Variants in HAL observed in about 807,000 individuals in gnomAD.
HAL encodes histidine ammonia-lyase, also known as histidase.
A neutral mutation model predicts 81.1 loss-of-function variants in HAL; 85 were observed. That is an observed-to-expected ratio of 1.05 (90% CI 0.88 to 1.25). The LOEUF (loss-of-function observed/expected upper bound fraction) is 1.25, where lower values mean the gene tolerates loss of function less well. Ranked by LOEUF, HAL falls within the 50% of genes most tolerant of loss-of-function variation. HAL has a pLI of 0.00. For missense variants in HAL, 798 were observed against 836.6 expected (o/e 0.95, Z 0.57); for synonymous variants, 301 against 309.2 (o/e 0.97, Z 0.28).
intron 17 of HAL, among the ~76,000 whole-genome samples, chr12:95,980,053 G>C (rs913150557): frequency 6.6e-6 from 1 of 152,144 alleles, no homozygotes; most frequent in Non-Finnish European, 1.5e-5. Context: ...TCTTCACAGA[G>C]GGTATCCTGA....
In HAL at chr12:95,983,919, C is replaced by T. The variant is rs754249504; in HGVS notation, c.1279G>A (p.Asp427Asn). ...ATACAATCAAAAGATACAGGATTAT[C>T]TGTTGCGCTGTTCAGTTCTGTGGTA... ...IITTELNSAT[D>N]NPMVFANRGE... is the part of the protein sequence containing the mutation. The change falls in exon 15 of 21, where the codon GAT becomes AAT. Residue 427 changes from aspartate to asparagine, a missense_variant. By Grantham distance (23) the Asp-to-Asn change is conservative. Coordinates refer to ENST00000261208, the MANE Select transcript of HAL (RefSeq NM_002108.4). The T allele has an allele frequency of 1.3e-6, 2 of 1,518,130 alleles. No homozygotes were observed. The highest frequency in any genetic ancestry group is 4.5e-5 in the East Asian group (2 of 44,452). 94.0% of individuals were successfully genotyped at this position (1,518,130 alleles called of 1,614,324 possible). A position where few individuals can be genotyped will look rare whatever the true frequency, so the allele number is the denominator to read the frequency against.
chr12:95,974,627 A>G (rs2080694312), intron 20 of HAL, among the ~76,000 whole-genome samples: 1 of 152,218 alleles, frequency 6.6e-6, no homozygotes, highest in Non-Finnish European at 1.5e-5. Context: ...TACTTTTCCT[A>G]AGCAAAACAA....
In HAL at chr12:95,974,336, T is replaced by G; in HGVS notation, c.1870A>C (p.Arg624=). ...CTTGATTCTGGAATATGCTCCATTC[T>G]GTATTTTTCAATGTATGGAGCAGCT... The part of the protein sequence containing the change: ...EVAAPYIEKY[R]MEHIPESRPL... Residue 624 remains arginine, a synonymous_variant, in exon 21 of 21, where the codon AGA becomes CGA. Coordinates refer to ENST00000261208, the MANE Select transcript of HAL (RefSeq NM_002108.4). 1 of 1,612,462 alleles carries G rather than the reference T, an allele frequency of 6.2e-7. No homozygotes were observed. The highest frequency in any genetic ancestry group is 8.5e-7 in the Non-Finnish European group (1 of 1,178,430).
intron 17 of HAL, among the ~76,000 whole-genome samples, chr12:95,978,976 A>G (rs932606857): frequency 2.0e-5 from 3 of 152,224 alleles, no homozygotes; most frequent in African/African-American, 7.2e-5. Context: ...AGGACTTTCC[A>G]GGTTTCAGCA....
chr12:95,977,507 G>A (rs1296000111), intron 18 of HAL, among the ~76,000 whole-genome samples: 1 of 151,884 alleles, frequency 6.6e-6, no homozygotes, highest in East Asian at 1.9e-4. Flanking sequence ...CCCAGGTGTG[G>A]TGGTGCTTGC....
chr12:95,974,317 T>G lies in HAL; in HGVS notation c.1889A>C (p.Glu630Ala), dbSNP rs778515949. 2 of 1,612,868 alleles carry G rather than the reference T, an allele frequency of 1.2e-6. No individual in the cohort carries two copies. The change falls in exon 21 of 21, where the codon GAA (glutamate) becomes GCA (alanine). Residue 630 changes from glutamate to alanine, a missense_variant. Coordinates refer to ENST00000261208, the MANE Select transcript of HAL (RefSeq NM_002108.4). ...GGCTGTTGGAGAAAGAGGTCTTGAT[T>G]CTGGAATATGCTCCATTCTGTATTT... ...IEKYRMEHIP[E>A]SRPLSPTAFS...
chr12:95,994,418 CAG>C (rs1272679622), intron 4 of HAL, among the ~76,000 whole-genome samples: 1 of 152,188 alleles, frequency 6.6e-6, no homozygotes, highest in Non-Finnish European at 1.5e-5. Flanking sequence ...TGTTTTGAGG[CAG>C]AGTCTCCAGC....
chr12:95,980,494 G>A (rs1048628742), intron 17 of HAL, 62 bp downstream of exon 17: 3 of 1,491,806 alleles, frequency 2.0e-6, no homozygotes, highest in Non-Finnish European at 2.8e-6. Context: ...ATACTTCTAG[G>A]TGAAATGGAA....
At chr12:95,990,290 C>T in intron 10 of HAL, 103 bp downstream of exon 10, 1 of 927,552 alleles carries the variant, frequency 1.1e-6, no homozygotes, top group South Asian at 1.3e-5. Flanking sequence ...GTAGGAGCTC[C>T]CTCACTGGGC....
chr12:95,980,811 T>A lies in HAL; in HGVS notation c.1340A>T (p.Glu447Val), dbSNP rs762747975. 7.5e-6 allele frequency: 12 copies of A among 1,594,258 alleles called. 1 individual carries two copies. The South Asian group carries it at 1.2e-4, about 16-fold the overall frequency. ...ETVSGGNFHG[E>V]YPAKALDYLA... ...TAAAAAGCTTACTTTGGCTGGGTAT[T>A]CACCATGGAAGTTTCCTCCAGAAAC... is the stretch of plus-strand genomic sequence containing the variant. The change falls in exon 16 of 21, where the codon GAA (glutamate) becomes GTA (valine). Residue 447 changes from glutamate (E) to valine (V), a missense_variant. By Grantham distance (121) the Glu-to-Val change is moderately radical (BLOSUM62 -2). Transcript: ENST00000261208.
chr12:95,978,700 G>C (rs1329596888), intron 17 of HAL, among the ~76,000 whole-genome samples: 3 of 152,162 alleles, frequency 2.0e-5, no homozygotes, highest in Admixed American at 6.5e-5. Context: ...AAATTCTGCT[G>C]TTCTAACGAG....
At position 95,983,946 on chromosome 12, in the gene HAL, T is replaced by C; in HGVS notation, c.1252A>G (p.Ile418Val). The part of the protein sequence containing the change: ...NDTIAFVKNI[I>V]TTELNSATDN... ...GTTGCGCTGTTCAGTTCTGTGGTAA[T>C]GATGTTCTTCACAAATGCTATTGTA... is the stretch of plus-strand genomic sequence containing the variant. The change falls in exon 15 of 21, where the codon ATT becomes GTT. Residue 418 changes from isoleucine (I) to valine (V), a missense_variant. Transcript: ENST00000261208. 3 of 1,588,514 alleles carry C rather than the reference T, an allele frequency of 1.9e-6. No homozygotes were observed. Among genetic ancestry groups the C allele is most frequent in the Non-Finnish European group, 2.6e-6 (3 of 1,157,516 alleles).
intron 11 of HAL, 127 bp from the exon 12 acceptor site, chr12:95,987,341 A>G (rs1281647612): frequency 4.9e-6 from 4 of 810,450 alleles, no homozygotes; most frequent in Non-Finnish European, 8.7e-6. Flanking sequence ...AATTATGTTT[A>G]TGTTTTCTAA....
rs570891376 is a variant in HAL at position 95,993,525 on chromosome 12, G to A, written c.552-37C>T. ...AGGTAAAAACCCTCTTAGATACATT[G>A]CAGTGAGAAAATGTTCCCTCAGCTG... On this transcript the variant is annotated intron_variant, in intron 7 of 20. Coordinates refer to ENST00000261208, the MANE Select transcript of HAL (RefSeq NM_002108.4). 1.6e-5 allele frequency: 22 copies of A among 1,384,910 alleles called. 1 individual carries two copies. In the South Asian group the frequency reaches 2.4e-4, roughly 15 times the overall value. The allele number at this position is 1,384,910 out of a possible 1,614,324, so 85.8% of individuals were successfully genotyped here. A position where few individuals can be genotyped will look rare whatever the true frequency, so the allele number is the denominator to read the frequency against.
chr12:95,975,878 G>T (rs2136785970), intron 20 of HAL, among the ~76,000 whole-genome samples: 1 of 152,314 alleles, frequency 6.6e-6, no homozygotes, highest in East Asian at 1.9e-4. Context: ...ATATTTAAAA[G>T]ATAAGCCAGC....
intron 12 of HAL, among the ~76,000 whole-genome samples, 158 bp from the exon 13 acceptor site, chr12:95,986,318 C>T (rs956196745): frequency 6.6e-6 from 1 of 152,110 alleles, no homozygotes; most frequent in Non-Finnish European, 1.5e-5. Context: ...CAGGCATGAG[C>T]CACCATGCCA....
intron 15 of HAL, among the ~76,000 whole-genome samples, chr12:95,981,516 G>A (rs765441326): frequency 1.3e-5 from 2 of 152,018 alleles, no homozygotes; most frequent in Non-Finnish European, 2.9e-5. Flanking sequence ...TGGAGTGCAG[G>A]GGCGCCATCT....
intron 12 of HAL, among the ~76,000 whole-genome samples, chr12:95,986,590 C>G (rs939420488): frequency 6.6e-6 from 1 of 152,188 alleles, no homozygotes; most frequent in African/African-American, 2.4e-5. Flanking sequence ...CAGGAGGGAG[C>G]CCTACAGTGG....
At position 95,980,703 on chromosome 12, in the gene HAL, T is replaced by C. The variant is rs775420602; in HGVS notation, c.1372A>G (p.Ile458Val). ...ATTGCAGCAAGTTCATGGATGCCAA[T>C]GGCCAAGTAGTCTAGGGCCTGAAAG... ...YPAKALDYLA[I>V]GIHELAAISE... The change falls in exon 17 of 21, where the codon ATT (isoleucine) becomes GTT (valine). Residue 458 changes from isoleucine to valine, a missense_variant. Transcript: ENST00000261208. 4 of 1,613,996 alleles carry C rather than the reference T, an allele frequency of 2.5e-6. No individual in the cohort carries two copies. Among genetic ancestry groups the C allele is most frequent in the Middle Eastern group, 3.3e-4 (2 of 6,060 alleles).
Sources: allele counts gnomAD v4.1 joint callset (sites outside exome capture counted in the v4.1 genomes callset), GRCh38; gene constraint gnomAD v4.1.1; transcripts MANE v1.5; gene names NCBI Gene and HGNC (gene_info 2026-07-23, HGNC 2026-07-21).